Variants in SLC37A3 observed in about 807,000 individuals in gnomAD.
The protein encoded by SLC37A3 is solute carrier family 37 member 3, also known as sugar phosphate exchanger 3.
SLC37A3 carries 51 observed loss-of-function variants against 67.1 expected under a neutral mutation model. The ratio of observed to expected loss-of-function variants is 0.76; its 90% CI spans 0.61 to 0.96. The LOEUF is 0.96. Among genes scored for constraint, SLC37A3 ranks in the 40% least tolerant of loss-of-function variants. The pLI is 0.00. For synonymous variants in SLC37A3, 214 were observed against 231.4 expected, an observed-to-expected ratio of 0.92 and a Z score of 0.68; for missense variants, 508 against 603.0, an observed-to-expected ratio of 0.84 and a Z score of 1.65.
At chr7:140,350,607 A>G (rs1233656129) in intron 9 of SLC37A3, among the ~76,000 whole-genome samples, 1 of 152,084 alleles carries the variant, frequency 6.6e-6, no homozygotes, top group Non-Finnish European at 1.5e-5. Context: ...TACTAAAAAT[A>G]CAAAAAATTA....
chr7:140,347,831 C>A (rs893673013), intron 10 of SLC37A3, among the ~76,000 whole-genome samples: 2 of 151,662 alleles, frequency 1.3e-5, no homozygotes, highest in African/African-American at 4.8e-5. Flanking sequence ...AAAAATTAAT[C>A]CCTGCTGTTA....
chr7:140,358,561 A>G, intron 6 of SLC37A3, 79 bp downstream of exon 6: 1 of 1,582,818 alleles, frequency 6.3e-7, no homozygotes. Context: ...GCAGCAAAGT[A>G]ACTGACTTTG....
In SLC37A3 at chr7:140,358,180, C is replaced by A. The variant is rs115508445; in HGVS notation, c.521+460G>T. Among the ~76,000 whole-genome samples, 200 of 152,166 alleles carry A rather than the reference C, an allele frequency of 1.3e-3. 1 individual carries two copies. Among genetic ancestry groups the A allele is most frequent in the African/African-American group, 4.5e-3 (186 of 41,506 alleles). ...TTCTTCATCTGAGTCTAATTAGAGC[C>A]CTTGTTACATGACCTTGGGCAGGTC... On this transcript the variant is annotated intron_variant, in intron 6 of 14. Transcript: ENST00000326232.
chr7:140,376,057 T>C (rs144722203), intron 3 of SLC37A3, among the ~76,000 whole-genome samples: 3 of 151,594 alleles, frequency 2.0e-5, no homozygotes, highest in Non-Finnish European at 4.4e-5. Flanking sequence ...TGCTCAAAGT[T>C]GTAGGTTTCC....
At chr7:140,359,896 T>G (rs1282599046) in intron 5 of SLC37A3, among the ~76,000 whole-genome samples, 1 of 152,130 alleles carries the variant, frequency 6.6e-6, no homozygotes, top group African/African-American at 2.4e-5. Flanking sequence ...CTGCAGTTTT[T>G]AAAAAATACA....
chr7:140,380,450 T>A, intron 2 of SLC37A3, 60 bp from the exon 3 acceptor site: 4 of 1,251,336 alleles, frequency 3.2e-6, no homozygotes, highest in Non-Finnish European at 4.6e-6. Flanking sequence ...TTCAATAAAA[T>A]CACAGGTATA....
chr7:140,364,192 A>T (rs898609836), intron 5 of SLC37A3, among the ~76,000 whole-genome samples: 1 of 151,688 alleles, frequency 6.6e-6, no homozygotes, highest in African/African-American at 2.4e-5. Flanking sequence ...CAGAGGTTGC[A>T]GTGAGCTGAG....
intron 9 of SLC37A3, 27 bp from the exon 10 acceptor site, chr7:140,348,794 C>A (rs747992772): frequency 9.3e-6 from 15 of 1,609,216 alleles, no homozygotes; most frequent in Admixed American, 6.8e-5. Context: ...CAACTATCAG[C>A]GAGGGACAAA....
At chr7:140,364,754 C>T (rs1353468699) in intron 4 of SLC37A3, among the ~76,000 whole-genome samples, 2 of 151,616 alleles carry the variant, frequency 1.3e-5, no homozygotes, top group Non-Finnish European at 2.9e-5. Context: ...GAAATGGCAG[C>T]GGGCACACTC....
chr7:140,352,126 C>G lies in SLC37A3; in HGVS notation c.639G>C (p.Ala213=), dbSNP rs374000986. ...YGYEYAFLVT[A]SVQFAGGIVI... is the part of the protein sequence containing the mutation. ...CGATCCCACCAGCAAACTGCACAGACGCCGTCACCAGAAAGGCATACTGGA... is the reference window on the plus strand; with the variant it reads ...CGATCCCACCAGCAAACTGCACAGAGGCCGTCACCAGAAAGGCATACTGGA... The change falls in exon 8 of 15, where the codon GCG becomes GCC. Residue 213 remains alanine (A), a synonymous_variant. Coordinates refer to ENST00000326232, the MANE Select transcript of SLC37A3 (RefSeq NM_207113.3). 2 of 1,613,014 alleles carry G rather than the reference C, an allele frequency of 1.2e-6. No homozygotes were observed. The highest frequency in any genetic ancestry group is 1.7e-6 in the Non-Finnish European group (2 of 1,179,834).
chr7:140,366,388 C>T (rs569201830), intron 4 of SLC37A3, among the ~76,000 whole-genome samples: 3 of 152,086 alleles, frequency 2.0e-5, no homozygotes, highest in Admixed American at 6.6e-5. Context: ...GGATTACAGG[C>T]GTGAGCCACC....
chr7:140,393,044 AT>A (rs972421274), intron 1 of SLC37A3, among the ~76,000 whole-genome samples: 1 of 152,040 alleles, frequency 6.6e-6, no homozygotes, highest in African/African-American at 2.4e-5. Flanking sequence ...GTGAGCTGAG[AT>A]CGCGCCACTG....
At chr7:140,393,737 G>C (rs1191225816) in intron 1 of SLC37A3, among the ~76,000 whole-genome samples, 1 of 152,068 alleles carries the variant, frequency 6.6e-6, no homozygotes, top group Non-Finnish European at 1.5e-5. Context: ...CTTTCCTTCA[G>C]AGCATCTCTC....
chr7:140,359,243 T>C (rs1797164133), intron 5 of SLC37A3, among the ~76,000 whole-genome samples: 1 of 150,376 alleles, frequency 6.6e-6, no homozygotes, highest in Non-Finnish European at 1.5e-5. Flanking sequence ...CTCAGGAGGC[T>C]GAGGCAGGAG....
intron 6 of SLC37A3, among the ~76,000 whole-genome samples, chr7:140,356,818 G>A (rs1157842746): frequency 1.3e-5 from 2 of 152,152 alleles, no homozygotes; most frequent in Non-Finnish European, 2.9e-5. Context: ...CACCAAGCAC[G>A]CCAAGTGTTG....
At position 140,385,435 on chromosome 7, in the gene SLC37A3, T is replaced by G. The variant is rs144019244; in HGVS notation, c.-70-2839A>C. 4.7e-3 allele frequency among the ~76,000 whole-genome samples: 720 copies of G among 152,252 alleles called. 9 individuals are homozygous for G. The highest frequency in any genetic ancestry group is 0.016 in the African/African-American group (661 of 41,540). ...AACCCAAGTGGAAAAACTCAAAACTTTAATCATTCTCTATGAATCGTAGCT... is the reference window on the plus strand; with the variant it reads ...AACCCAAGTGGAAAAACTCAAAACTGTAATCATTCTCTATGAATCGTAGCT... On this transcript the variant is annotated intron_variant, in intron 1 of 14. Transcript: ENST00000326232.
At chr7:140,397,375 G>A (rs1051951005) in intron 1 of SLC37A3, among the ~76,000 whole-genome samples, 1 of 151,828 alleles carries the variant, frequency 6.6e-6, no homozygotes, top group Middle Eastern at 3.4e-3. Flanking sequence ...TGTATTTTTA[G>A]TAGAGACGGG....
At chr7:140,339,304 A>C (rs1585245087) in intron 13 of SLC37A3, among the ~76,000 whole-genome samples, 1 of 130,528 alleles carries the variant, frequency 7.7e-6, no homozygotes, top group Admixed American at 8.6e-5. Flanking sequence ...TCTGTCACCC[A>C]GGCTGGAGTG....
At chr7:140,361,128 G>C (rs1225777809) in intron 5 of SLC37A3, among the ~76,000 whole-genome samples, 1 of 151,876 alleles carries the variant, frequency 6.6e-6, no homozygotes, top group East Asian at 1.9e-4. Context: ...ACTATGGAGA[G>C]CTGAAAAGGG....
Sources: gnomAD v4.1 joint callset for allele counts (sites outside exome capture counted in the v4.1 genomes callset) on GRCh38, gnomAD v4.1.1 for gene constraint, MANE v1.5 for transcripts, NCBI Gene and HGNC (gene_info 2026-07-23, HGNC 2026-07-21) for gene names.